Variants in CCSER1 observed in about 807,000 individuals in gnomAD.
CCSER1 encodes serine-rich coiled-coil domain-containing protein 1.
CCSER1 carries 41 observed loss-of-function variants against 82.0 expected under a neutral mutation model. The observed-to-expected ratio is 0.50, with a 90% CI of 0.39 to 0.65. The LOEUF (loss-of-function observed/expected upper bound fraction) is 0.65. Ranked by LOEUF, CCSER1 falls within the 30% of genes least tolerant of loss-of-function variation. The pLI, the probability that CCSER1 is intolerant of heterozygous loss-of-function variation, is 0.00. For missense variants in CCSER1, 1,119 were observed against 1,064.2 expected (o/e 1.05, Z -0.72); for synonymous variants, 414 against 383.9 (o/e 1.08, Z -0.92).
At chr4:91,356,767 C>T (rs545980205) in intron 10 of CCSER1, among the ~76,000 whole-genome samples, 3 of 152,260 alleles carry the variant, frequency 2.0e-5, no homozygotes, top group African/African-American at 4.8e-5. Context: ...CCTCCCCTGC[C>T]ATGAGAGACA....
chr4:91,266,937 G>A (rs1315066318), intron 10 of CCSER1, among the ~76,000 whole-genome samples: 1 of 151,832 alleles, frequency 6.6e-6, no homozygotes, highest in Non-Finnish European at 1.5e-5. Flanking sequence ...TGAATATTTT[G>A]CATGCCTGAT....
intron 10 of CCSER1, among the ~76,000 whole-genome samples, chr4:91,126,228 C>T (rs62312249): frequency 6.6e-6 from 1 of 151,796 alleles, no homozygotes; most frequent in African/African-American, 2.4e-5. Flanking sequence ...TGTTAACTCC[C>T]TGATGAGTAG....
intron 5 of CCSER1, among the ~76,000 whole-genome samples, chr4:90,611,004 A>G (rs1263626061): frequency 6.8e-6 from 1 of 146,300 alleles, no homozygotes; most frequent in Non-Finnish European, 1.5e-5. Context: ...CAGCCTCCTG[A>G]GTAGCTGGGT....
chr4:90,192,783 T>C (rs1297187568), intron 1 of CCSER1, among the ~76,000 whole-genome samples: 3 of 152,008 alleles, frequency 2.0e-5, no homozygotes, highest in African/African-American at 4.8e-5. Flanking sequence ...GTAAAAAAAT[T>C]TGTGTGTTGT....
chr4:90,713,308 T>G (rs1006615547), intron 6 of CCSER1, among the ~76,000 whole-genome samples: 34 of 152,122 alleles, frequency 2.2e-4, no homozygotes, highest in Non-Finnish European at 4.3e-4. Flanking sequence ...ATCACGTGCT[T>G]CCTTCAGGAG....
At chr4:90,790,510 T>A (rs1295312851) in intron 7 of CCSER1, among the ~76,000 whole-genome samples, 2 of 150,872 alleles carry the variant, frequency 1.3e-5, no homozygotes, top group Non-Finnish European at 2.9e-5. Flanking sequence ...TTCTTTTATC[T>A]TTTACTAATT....
At chr4:91,221,468 T>A (rs751110373) in intron 10 of CCSER1, among the ~76,000 whole-genome samples, 1 of 152,016 alleles carries the variant, frequency 6.6e-6, no homozygotes, top group Non-Finnish European at 1.5e-5. Context: ...TATTAAAGAG[T>A]GTTATAATAT....
intron 6 of CCSER1, among the ~76,000 whole-genome samples, chr4:90,628,908 G>A (rs1016254346): frequency 2.0e-5 from 3 of 152,066 alleles, no homozygotes; most frequent in Non-Finnish European, 2.9e-5. Flanking sequence ...AAGTATACCC[G>A]TGATTATTAT....
At chr4:90,993,056 AT>A (rs1435330364) in intron 9 of CCSER1, among the ~76,000 whole-genome samples, 2 of 151,976 alleles carry the variant, frequency 1.3e-5, no homozygotes, top group African/African-American at 4.8e-5. Flanking sequence ...CTGCTTAGGT[AT>A]TTGCATCTTC....
chr4:91,071,739 T>C (rs1470560853), intron 9 of CCSER1, among the ~76,000 whole-genome samples: 1 of 152,156 alleles, frequency 6.6e-6, no homozygotes, highest in African/African-American at 2.4e-5. Context: ...TCAAATAGTT[T>C]TTCAAATAGC....
At chr4:90,132,309 G>C (rs538439010) in intron 1 of CCSER1, among the ~76,000 whole-genome samples, 1 of 152,218 alleles carries the variant, frequency 6.6e-6, no homozygotes, top group South Asian at 2.1e-4. Flanking sequence ...GCTTCTGCAT[G>C]ATTTCCCTAT....
Position 91,043,776 on chromosome 4 carries a change from CG to C in CCSER1, c.2173-42170del, listed in dbSNP as rs1742194353. On this transcript the variant is annotated intron_variant, in intron 9 of 10. Coordinates refer to ENST00000509176, the MANE Select transcript of CCSER1 (RefSeq NM_001145065.2). ...CAGCTAATTTTATTTTTAGTAGAGA[CG>C]GGGTTTTGCCCTGTTGGCCAGGTTA... is the stretch of plus-strand genomic sequence containing the variant. Among the ~76,000 whole-genome samples, 3 of 151,844 alleles carry C rather than the reference CG, an allele frequency of 2.0e-5. No individual in the cohort carries two copies. The South Asian group carries it at 6.2e-4, about 32-fold the overall frequency.
intron 7 of CCSER1, among the ~76,000 whole-genome samples, chr4:90,815,393 A>C (rs1758867123): frequency 6.6e-6 from 1 of 152,140 alleles, no homozygotes; most frequent in Non-Finnish European, 1.5e-5. Flanking sequence ...TTTCTGTTCT[A>C]CTTACTATGT....
At chr4:91,475,142 CT>C (rs1259981399) in intron 10 of CCSER1, among the ~76,000 whole-genome samples, 1 of 151,342 alleles carries the variant, frequency 6.6e-6, no homozygotes, top group Non-Finnish European at 1.5e-5. Context: ...ATTGTCATTC[CT>C]TTGTAAGTGA....
intron 8 of CCSER1, among the ~76,000 whole-genome samples, chr4:90,816,412 A>T (rs1561188497): frequency 1.3e-5 from 2 of 152,126 alleles, no homozygotes; most frequent in African/African-American, 4.8e-5. Context: ...GAAAGTAAGG[A>T]ATTACACTTT....
At chr4:90,441,173 CT>C (rs1029922085) in intron 4 of CCSER1, among the ~76,000 whole-genome samples, 10 of 152,070 alleles carry the variant, frequency 6.6e-5, no homozygotes, top group African/African-American at 9.7e-5. Flanking sequence ...TGGCGGCTTC[CT>C]CACGCAAGAA....
intron 5 of CCSER1, among the ~76,000 whole-genome samples, chr4:90,581,500 GTA>G (rs1277562824): frequency 5.9e-5 from 9 of 152,080 alleles, no homozygotes; most frequent in Non-Finnish European, 1.0e-4. Flanking sequence ...TAGTTAAGGG[GTA>G]TGTGTGTGTG....
intron 4 of CCSER1, among the ~76,000 whole-genome samples, chr4:90,460,055 G>A (rs1762681484): frequency 1.4e-5 from 2 of 146,278 alleles, no homozygotes; most frequent in Admixed American, 1.3e-4. Context: ...GGCCGGGCGC[G>A]GTGGCTCACG....
chr4:91,361,667 CAAGT>C (rs1185749220), intron 10 of CCSER1, among the ~76,000 whole-genome samples: 1 of 151,650 alleles, frequency 6.6e-6, no homozygotes, highest in Non-Finnish European at 1.5e-5. Flanking sequence ...ATTATATTAG[CAAGT>C]AAGAGCGAAA....
Sources: allele counts gnomAD v4.1 joint callset (sites outside exome capture counted in the v4.1 genomes callset), GRCh38; gene constraint gnomAD v4.1.1; transcripts MANE v1.5; gene names NCBI Gene and HGNC (gene_info 2026-07-23, HGNC 2026-07-21).